ZSWIM6: variants seen among roughly 807,000 people sequenced by gnomAD.
ZSWIM6 encodes the protein zinc finger SWIM-type containing 6, also known as zinc finger SWIM domain-containing protein 6.
ZSWIM6 carries 9 observed loss-of-function variants against 113.2 expected under a neutral mutation model. The ratio of observed to expected loss-of-function variants is 0.08; its 90% confidence interval spans 0.05 to 0.14. ZSWIM6 has a LOEUF of 0.14. Among genes scored for constraint, ZSWIM6 ranks in the 10% least tolerant of loss-of-function variants. The probability of loss-of-function intolerance (pLI) is 1.00; values close to 1 mark genes in which losing one functional copy is unlikely to be tolerated. For synonymous variants in ZSWIM6, 611 were observed against 606.5 expected (o/e 1.01, Z -0.11); for missense variants, 1,162 against 1,552.2 (o/e 0.75, Z 4.22).
intron 1 of ZSWIM6, among the ~76,000 whole-genome samples, chr5:61,422,983 G>A (rs1746385245): frequency 6.6e-6 from 1 of 152,136 alleles, no homozygotes; most frequent in Non-Finnish European, 1.5e-5. Flanking sequence ...CAAATATAAG[G>A]TAATTTGGAA....
intron 1 of ZSWIM6, among the ~76,000 whole-genome samples, chr5:61,449,154 T>C (rs966893200): frequency 6.6e-6 from 1 of 152,208 alleles, no homozygotes; most frequent in African/African-American, 2.4e-5. Context: ...ATTTAGAAAG[T>C]ACCTACACCA....
intron 1 of ZSWIM6, among the ~76,000 whole-genome samples, chr5:61,348,738 C>G (rs1744720997): frequency 6.6e-6 from 1 of 152,120 alleles, no homozygotes. Context: ...ATTTAATAAT[C>G]CTAAAACATT....
At chr5:61,348,147 G>C (rs1012128907) in intron 1 of ZSWIM6, among the ~76,000 whole-genome samples, 1 of 152,170 alleles carries the variant, frequency 6.6e-6, no homozygotes, top group Non-Finnish European at 1.5e-5. Flanking sequence ...CGTCAACCCG[G>C]GAGGTGGAGC....
At chr5:61,522,888 T>C (rs1021041494) in intron 5 of ZSWIM6, among the ~76,000 whole-genome samples, 2 of 152,200 alleles carry the variant, frequency 1.3e-5, no homozygotes, top group Non-Finnish European at 2.9e-5. Context: ...ACTCAAACAT[T>C]TTACATTTTA....
chr5:61,346,985 C>T (rs1002545534), intron 1 of ZSWIM6: 1 of 152,176 alleles, frequency 6.6e-6, no homozygotes, highest in African/African-American at 2.4e-5. Flanking sequence ...AAGGTTTTCA[C>T]TGTTTTCATT....
intron 1 of ZSWIM6, among the ~76,000 whole-genome samples, chr5:61,465,362 T>G (rs1747413425): frequency 6.6e-6 from 1 of 152,084 alleles, no homozygotes; most frequent in African/African-American, 2.4e-5. Context: ...AGTAATTTGT[T>G]GTTGGTGGTA....
At chr5:61,499,710 T>C (rs1748412556) in intron 4 of ZSWIM6, among the ~76,000 whole-genome samples, 1 of 152,152 alleles carries the variant, frequency 6.6e-6, no homozygotes, top group Non-Finnish European at 1.5e-5. Flanking sequence ...GCCTTCAAAC[T>C]CATTATCAAA....
chr5:61,494,486 G>A, intron 4 of ZSWIM6, 76 bp downstream of exon 4: 1 of 1,519,666 alleles, frequency 6.6e-7, no homozygotes, highest in Non-Finnish European at 8.9e-7. Context: ...CAAGAACATG[G>A]TCGTAGTATT....
intron 4 of ZSWIM6, among the ~76,000 whole-genome samples, chr5:61,506,567 C>CT (rs1421736697): frequency 2.0e-5 from 3 of 151,586 alleles, no homozygotes; most frequent in East Asian, 3.9e-4. Context: ...GAGTGAGACT[C>CT]TGTCTCCAAA....
intron 1 of ZSWIM6, among the ~76,000 whole-genome samples, chr5:61,370,457 G>A (rs1745242616): frequency 6.6e-6 from 1 of 152,082 alleles, no homozygotes; most frequent in Non-Finnish European, 1.5e-5. Flanking sequence ...GCTCTTTTTG[G>A]TTTGACATTG....
intron 1 of ZSWIM6, among the ~76,000 whole-genome samples, chr5:61,468,504 T>A (rs1292482648): frequency 6.6e-6 from 1 of 152,214 alleles, no homozygotes; most frequent in Non-Finnish European, 1.5e-5. Flanking sequence ...TGTCCCTTTT[T>A]GTATGCTCAA....
In ZSWIM6 at chr5:61,521,317, C is replaced by T. The variant is rs1749115567; in HGVS notation, c.1388C>T (p.Ala463Val). ...CCCCACTGCAAGTTGGAGCAAAAGG[C>T]CAGTTGGCTAAAACAGCTGAAGAAA... ...LNPHCKLEQK[A>V]SWLKQLKKWN... Residue 463 changes from alanine to valine, a missense_variant, in exon 5 of 14, where the codon GCC becomes GTC. Physicochemically the swap from Ala to Val is moderately conservative, Grantham distance 64 (BLOSUM62 0). Around this residue, in one of 4 missense-constraint regions of ZSWIM6, gnomAD observed 620 missense variants for 804.6 expected, o/e 0.77. Transcript: ENST00000252744. 2.0e-6 allele frequency: 3 copies of T among 1,520,156 alleles called. No individual in the cohort carries two copies. Among genetic ancestry groups the T allele is most frequent in the Non-Finnish European group, 1.8e-6 (2 of 1,132,242 alleles). The allele number at this position is 1,520,156 out of a possible 1,614,324, so 94.2% of individuals were successfully genotyped here. A position where few individuals can be genotyped will look rare whatever the true frequency, so the allele number is the denominator to read the frequency against.
chr5:61,397,928 C>T (rs1038555973), intron 1 of ZSWIM6, among the ~76,000 whole-genome samples: 9 of 152,202 alleles, frequency 5.9e-5, no homozygotes, highest in African/African-American at 1.9e-4. Context: ...TCCCACTTTA[C>T]CTTCAAAACA....
In ZSWIM6 at chr5:61,543,790, G is replaced by A. The variant is rs776400990; in HGVS notation, c.3121G>A (p.Gly1041Arg). The A allele has an allele frequency of 3.9e-6, 6 of 1,551,718 alleles. No individual in the cohort carries two copies. Among genetic ancestry groups the A allele is most frequent in the South Asian group, 3.6e-5 (3 of 84,058 alleles). Residue 1041 changes from glycine (G) to arginine (R), a missense_variant, in exon 14 of 14, where the codon GGG (glycine) becomes AGG (arginine). Physicochemically the swap from Gly to Arg is moderately radical, Grantham distance 125. Transcript: ENST00000252744. This position sits in a 1 kb window ranked among gnomAD's most constrained non-coding sequence, Gnocchi z 4.3. ...AATAGCACGGTACATGGAGCACCGC[G>A]GGTACCCCATGAGGGCCTACAAGCT... The part of the protein sequence containing the change: ...FTIARYMEHR[G>R]YPMRAYKLAT...
At chr5:61,521,146 A>G (rs1749110914) in intron 4 of ZSWIM6, 117 bp from the exon 5 acceptor site, 3 of 529,512 alleles carry the variant, frequency 5.7e-6, no homozygotes, top group Middle Eastern at 7.6e-4. Flanking sequence ...TAAATTTAAA[A>G]TTTTAAATAT....
chr5:61,443,749 G>A (rs2112149734), intron 1 of ZSWIM6, among the ~76,000 whole-genome samples: 1 of 152,146 alleles, frequency 6.6e-6, no homozygotes, highest in Middle Eastern at 3.4e-3. Flanking sequence ...AACCACATCT[G>A]CCTCTCCTTC....
chr5:61,502,388 G>A (rs1056909576), intron 4 of ZSWIM6, among the ~76,000 whole-genome samples: 1 of 152,132 alleles, frequency 6.6e-6, no homozygotes, highest in Non-Finnish European at 1.5e-5. Context: ...TCCTTAGAGG[G>A]GGGTGTTCAG....
intron 9 of ZSWIM6, among the ~76,000 whole-genome samples, chr5:61,533,586 A>C (rs1749499097): frequency 1.3e-5 from 2 of 152,218 alleles, no homozygotes; most frequent in African/African-American, 4.8e-5. Context: ...ACCTGACTGA[A>C]TGTTTTACTT....
chr5:61,525,991 C>CG lies in ZSWIM6; in HGVS notation c.1690+17dup, dbSNP rs1456720578. 20 of 1,551,380 alleles carry CG rather than the reference C, an allele frequency of 1.3e-5. No individual in the cohort carries two copies. ...CCTCTGGCATGGTAAGTGACCAAACCGGAAAGACATTTCCATGACTTACTT... is the reference window on the plus strand; with the variant it reads ...CCTCTGGCATGGTAAGTGACCAAACCGGGAAAGACATTTCCATGACTTACTT... On this transcript the variant is annotated intron_variant, in intron 6 of 13. Transcript: ENST00000252744.
Sources: gnomAD v4.1 joint callset for allele counts (sites outside exome capture counted in the v4.1 genomes callset) on GRCh38, gnomAD v4.1.1 for gene constraint, gnomAD v4.1.1 regional missense constraint, Gnocchi (gnomAD v3.1) non-coding constraint, MANE v1.5 for transcripts, NCBI Gene and HGNC (gene_info 2026-07-23, HGNC 2026-07-21) for gene names.